Variants in TESC observed in about 807,000 individuals in gnomAD.
TESC encodes calcineurin B homologous protein 3.
TESC carries 19 observed loss-of-function variants against 31.0 expected under a neutral mutation model. That is an observed-to-expected ratio of 0.61 (90% CI 0.43 to 0.90). The LOEUF is 0.90. Ranked by LOEUF, TESC falls within the 40% of genes least tolerant of loss-of-function variation. The pLI is 0.00. For synonymous variants in TESC, 109 were observed against 114.8 expected (o/e 0.95, Z 0.32); for missense variants, 248 against 303.8 (o/e 0.82, Z 1.36).
chr12:117,049,187 A>G (rs2135752597), intron 3 of TESC, 29 bp from the exon 4 acceptor site: 1 of 1,613,812 alleles, frequency 6.2e-7, no homozygotes, highest in Non-Finnish European at 8.5e-7. Context: ...GGGTGTTGGA[A>G]ATAAATGAAG....
chr12:117,086,268 A>ATTTT (rs113210754), intron 1 of TESC, among the ~76,000 whole-genome samples: 1 of 148,066 alleles, frequency 6.8e-6, no homozygotes, highest in African/African-American at 2.5e-5. Flanking sequence ...ATACACTTTA[A>ATTTT]TTTTTTTTTT....
intron 2 of TESC, among the ~76,000 whole-genome samples, chr12:117,063,244 G>A (rs993125316): frequency 6.6e-6 from 1 of 152,206 alleles, no homozygotes; most frequent in African/African-American, 2.4e-5. Context: ...AGGCTGGCTC[G>A]AACCATCTTG....
intron 2 of TESC, among the ~76,000 whole-genome samples, chr12:117,067,793 A>G (rs1954908225): frequency 6.6e-6 from 1 of 152,200 alleles, no homozygotes; most frequent in African/African-American, 2.4e-5. Context: ...TAATAATGTC[A>G]ACCTCAGAGG....
intron 2 of TESC, among the ~76,000 whole-genome samples, chr12:117,070,616 C>A (rs894178926): frequency 6.6e-6 from 1 of 152,166 alleles, no homozygotes; most frequent in Non-Finnish European, 1.5e-5. Flanking sequence ...ACAGCAGGAT[C>A]TTGGCGCTGG....
chr12:117,063,488 T>C (rs566842157), intron 2 of TESC, among the ~76,000 whole-genome samples: 9 of 152,164 alleles, frequency 5.9e-5, no homozygotes, highest in African/African-American at 2.2e-4. Flanking sequence ...TGTGGGTTGG[T>C]TTCCGGTGGC....
intron 6 of TESC, among the ~76,000 whole-genome samples, chr12:117,044,589 C>G (rs1281663122): frequency 6.6e-6 from 1 of 152,184 alleles, no homozygotes. Context: ...GTGTGACCTC[C>G]TGAGAAAGCA....
At chr12:117,063,848 CAT>C (rs1427526336) in intron 2 of TESC, among the ~76,000 whole-genome samples, 3 of 152,230 alleles carry the variant, frequency 2.0e-5, no homozygotes, top group Admixed American at 6.5e-5. Context: ...TCACTCAGCA[CAT>C]GTCTTCCCAG....
At chr12:117,088,179 T>C (rs1016719092) in intron 1 of TESC, among the ~76,000 whole-genome samples, 1 of 152,160 alleles carries the variant, frequency 6.6e-6, no homozygotes, top group African/African-American at 2.4e-5. Context: ...ATATCATTTA[T>C]GTAATTAGAG....
chr12:117,050,389 T>C (rs1020413722), intron 3 of TESC, among the ~76,000 whole-genome samples: 1 of 152,258 alleles, frequency 6.6e-6, no homozygotes, highest in African/African-American at 2.4e-5. Flanking sequence ...AGGATGGTGA[T>C]TGGCTGCAAG....
chr12:117,068,267 C>T (rs1398528390), intron 2 of TESC, among the ~76,000 whole-genome samples: 1 of 152,014 alleles, frequency 6.6e-6, no homozygotes, highest in African/African-American at 2.4e-5. Flanking sequence ...TGGTGGCTCA[C>T]ACCTGTAATC....
chr12:117,053,115 C>G (rs1031288467), intron 3 of TESC, among the ~76,000 whole-genome samples: 1 of 152,228 alleles, frequency 6.6e-6, no homozygotes, highest in Non-Finnish European at 1.5e-5. Flanking sequence ...CTTGTTTCAA[C>G]GTCCAACTTC....
chr12:117,039,528 G>C (rs937809764), intron 7 of TESC, among the ~76,000 whole-genome samples: 1 of 151,316 alleles, frequency 6.6e-6, no homozygotes, highest in Non-Finnish European at 1.5e-5. Flanking sequence ...TTCAGGTTCT[G>C]TGATTTTCAT....
chr12:117,091,926 G>C (rs1955316861), intron 1 of TESC, among the ~76,000 whole-genome samples: 1 of 152,308 alleles, frequency 6.6e-6, no homozygotes, highest in African/African-American at 2.4e-5. Flanking sequence ...TCAGTCCAGA[G>C]CATGTGGGGT....
At chr12:117,048,964 T>C (rs1954607483) in intron 4 of TESC, 55 bp downstream of exon 4, 1 of 1,612,490 alleles carries the variant, frequency 6.2e-7, no homozygotes, top group Non-Finnish European at 8.5e-7. Context: ...TCTGAGGTCT[T>C]AGGGGAGGCT....
intron 3 of TESC, among the ~76,000 whole-genome samples, chr12:117,055,347 T>G (rs1954705042): frequency 6.6e-6 from 1 of 152,172 alleles, no homozygotes; most frequent in South Asian, 2.1e-4. Context: ...TTCACCATGT[T>G]GACCTGGCTG....
intron 2 of TESC, among the ~76,000 whole-genome samples, chr12:117,065,284 G>A (rs1316943709): frequency 7.2e-5 from 11 of 152,192 alleles, no homozygotes; most frequent in Admixed American, 3.9e-4. Flanking sequence ...CTGGATGAGG[G>A]CAGGGGCTGG....
chr12:117,085,849 G>A (rs576434807), intron 1 of TESC, among the ~76,000 whole-genome samples: 7 of 152,304 alleles, frequency 4.6e-5, no homozygotes, highest in African/African-American at 1.7e-4. Flanking sequence ...TCCCTTGTGA[G>A]GTTGTTCATG....
chr12:117,078,207 C>T (rs1478456835), intron 1 of TESC, among the ~76,000 whole-genome samples: 2 of 152,174 alleles, frequency 1.3e-5, no homozygotes, highest in Non-Finnish European at 2.9e-5. Context: ...GTGGCTCACG[C>T]CTGGAATCCC....
At chr12:117,050,671 G>T (rs770130822) in intron 3 of TESC, among the ~76,000 whole-genome samples, 2 of 152,334 alleles carry the variant, frequency 1.3e-5, no homozygotes, top group East Asian at 1.9e-4. Context: ...AATGGCTTAC[G>T]CCTGTAACCC....
Sources: gnomAD v4.1 joint callset for allele counts (sites outside exome capture counted in the v4.1 genomes callset) on GRCh38, gnomAD v4.1.1 for gene constraint, MANE v1.5 for transcripts, NCBI Gene and HGNC (gene_info 2026-07-23, HGNC 2026-07-21) for gene names.